The following MICU3 variants were observed in gnomAD, a reference collection of about 807,000 sequenced individuals.
MICU3 encodes the protein mitochondrial calcium uptake 3.
In MICU3, 62 loss-of-function variants were observed where a neutral mutation model predicts 66.5. That is an observed-to-expected ratio of 0.93 (90% CI 0.76 to 1.15). The LOEUF is 1.15. MICU3 is among the 50% of genes most tolerant of loss of function. The probability of loss-of-function intolerance (pLI) is 0.00; values close to 1 mark genes in which losing one functional copy is unlikely to be tolerated. For missense variants in MICU3, 779 were observed against 664.4 expected (o/e 1.17, Z -1.90); for synonymous variants, 308 against 240.7 (o/e 1.28, Z -2.59).
In MICU3 at chr8:17,105,474, A is replaced by G. The variant is rs996220180; in HGVS notation, c.1147A>G (p.Met383Val). ...AGAATTCCTTTCCTACTCAAATGGAATGAATACCATCAGTGAAGAAGATTT... is the reference window on the plus strand; with the variant it reads ...AGAATTCCTTTCCTACTCAAATGGAGTGAATACCATCAGTGAAGAAGATTT... ...EIEFLSYSNG[M>V]NTISEEDFAH... is the part of the protein sequence containing the mutation. Residue 383 changes from methionine to valine, a missense_variant, in exon 11 of 15, where the codon ATG (methionine) becomes GTG (valine). Physicochemically the swap from Met to Val is conservative, Grantham distance 21. Coordinates refer to ENST00000318063, the MANE Select transcript of MICU3 (RefSeq NM_181723.3). The G allele has an allele frequency of 2.3e-5, 37 of 1,576,860 alleles. No homozygotes were observed. Among genetic ancestry groups the G allele is most frequent in the Non-Finnish European group, 3.0e-5 (35 of 1,156,846 alleles).
chr8:17,074,087 AG>A (rs1164295093), intron 3 of MICU3, among the ~76,000 whole-genome samples: 2 of 149,344 alleles, frequency 1.3e-5, no homozygotes, highest in Non-Finnish European at 3.0e-5. Context: ...TTTAGTAGAG[AG>A]GGGGTTTCAC....
chr8:17,061,315 G>A (rs1258928958), intron 1 of MICU3, among the ~76,000 whole-genome samples: 2 of 152,130 alleles, frequency 1.3e-5, no homozygotes, highest in African/African-American at 4.8e-5. Flanking sequence ...TAAGCTGGGG[G>A]ATTGATAGAC....
intron 7 of MICU3, among the ~76,000 whole-genome samples, chr8:17,088,664 G>A (rs1585428041): frequency 6.6e-6 from 1 of 151,682 alleles, no homozygotes; most frequent in East Asian, 1.9e-4. Flanking sequence ...CTTCCAGAGA[G>A]GACTTACACA....
chr8:17,075,217 C>T (rs879717000), intron 3 of MICU3, among the ~76,000 whole-genome samples: 13 of 152,030 alleles, frequency 8.6e-5, no homozygotes, highest in South Asian at 2.1e-4. Flanking sequence ...AGCACAGCAG[C>T]GTGTTCAACA....
chr8:17,119,692 G>C (rs1803044361), intron 14 of MICU3, among the ~76,000 whole-genome samples: 1 of 151,998 alleles, frequency 6.6e-6, no homozygotes, highest in Non-Finnish European at 1.5e-5. Context: ...CTTCCCCATA[G>C]AGTTTATTAG....
intron 1 of MICU3, among the ~76,000 whole-genome samples, chr8:17,036,628 T>G (rs28840760): frequency 0.12 from 18,121 of 152,100 alleles, 1,185 homozygotes; most frequent in South Asian, 0.22. Context: ...TAGATACAGA[T>G]TGTCGATTGG....
intron 1 of MICU3, among the ~76,000 whole-genome samples, chr8:17,031,270 TATTA>T (rs1563260089): frequency 8.9e-5 from 13 of 146,276 alleles, no homozygotes; most frequent in African/African-American, 3.0e-4. Flanking sequence ...CATTTATTAT[TATTA>T]TTATTATTAT....
intron 8 of MICU3, among the ~76,000 whole-genome samples, chr8:17,094,387 TTA>T (rs2150775712): frequency 6.6e-6 from 1 of 152,122 alleles, no homozygotes; most frequent in South Asian, 2.1e-4. Flanking sequence ...TTTAAAGATA[TTA>T]GTCTGTTTTA....
chr8:17,098,340 C>CA, intron 8 of MICU3, 118 bp from the exon 9 acceptor site: 3 of 772,234 alleles, frequency 3.9e-6, no homozygotes, highest in East Asian at 2.4e-5. Flanking sequence ...AACAAACAAA[C>CA]AAAAAAAGGT....
rs78521448 is a variant in MICU3 at position 17,059,854 on chromosome 8, A to G, written c.382-4230A>G. The stretch of plus-strand genomic sequence containing the variant: ...AAGACATAGTTGAAGACTTGATTAA[A>G]TAGACATCTATGTTCCTAGGTTGGA... On this transcript the variant is annotated intron_variant, in intron 1 of 14. Transcript: ENST00000318063. Among the ~76,000 whole-genome samples the G allele has an allele frequency of 8.4e-3, 1,283 of 152,304 alleles. 14 individuals carry two copies. The highest frequency in any genetic ancestry group is 0.029 in the African/African-American group (1,210 of 41,574).
intron 11 of MICU3, 55 bp from the exon 12 acceptor site, chr8:17,114,038 G>GGTAGCCGT: frequency 2.6e-6 from 3 of 1,163,032 alleles, no homozygotes; most frequent in East Asian, 2.4e-5. Flanking sequence ...TGTAGATCCT[G>GGTAGCCGT]ATTTTAATAA....
At chr8:17,084,291 A>G (rs1821626772) in intron 5 of MICU3, among the ~76,000 whole-genome samples, 2 of 152,232 alleles carry the variant, frequency 1.3e-5, no homozygotes, top group Admixed American at 1.3e-4. Context: ...GATGTTGTAA[A>G]TTTGTATTAG....
chr8:17,037,512 T>C (rs1813247824), intron 1 of MICU3, among the ~76,000 whole-genome samples: 1 of 152,158 alleles, frequency 6.6e-6, no homozygotes, highest in African/African-American at 2.4e-5. Flanking sequence ...CCATGTGGTG[T>C]ATGGAAACGC....
intron 4 of MICU3, among the ~76,000 whole-genome samples, chr8:17,078,556 G>C (rs186433394): frequency 1.3e-5 from 2 of 151,284 alleles, no homozygotes; most frequent in South Asian, 2.1e-4. Context: ...TGTATTTTTT[G>C]TATCCTCAAA....
intron 2 of MICU3, among the ~76,000 whole-genome samples, chr8:17,066,392 G>C (rs549991789): frequency 9.2e-5 from 14 of 151,496 alleles, no homozygotes; most frequent in African/African-American, 3.1e-4. Context: ...CCTGGCACAT[G>C]ATAGGTACAC....
At chr8:17,132,528 C>G in the MICU3 span, 1 of 152,148 alleles carries the variant, frequency 6.6e-6, no homozygotes, top group Non-Finnish European at 1.5e-5. Flanking sequence ...TCTTCCTTGC[C>G]CCTAATGTAT....
intron 1 of MICU3, among the ~76,000 whole-genome samples, chr8:17,045,434 C>CT (rs1026928852): frequency 6.6e-6 from 1 of 152,174 alleles, no homozygotes; most frequent in Non-Finnish European, 1.5e-5. Flanking sequence ...TAGATCATAT[C>CT]TTTTTTATCC....
At chr8:17,103,383 T>C (rs1339562945) in intron 9 of MICU3, among the ~76,000 whole-genome samples, 2 of 151,956 alleles carry the variant, frequency 1.3e-5, no homozygotes, top group South Asian at 2.1e-4. Flanking sequence ...ATGTTTTCTA[T>C]GGAGTACTAT....
intron 1 of MICU3, among the ~76,000 whole-genome samples, chr8:17,038,739 G>T (rs1010322547): frequency 2.0e-5 from 3 of 152,116 alleles, no homozygotes; most frequent in African/African-American, 7.2e-5. Flanking sequence ...AGATCATGAG[G>T]TCAGGAGATT....
Sources: allele counts gnomAD v4.1 joint callset (sites outside exome capture counted in the v4.1 genomes callset), GRCh38; gene constraint gnomAD v4.1.1; transcripts MANE v1.5; gene names NCBI Gene and HGNC (gene_info 2026-07-23, HGNC 2026-07-21).